The following NDRG3 variants were observed in gnomAD, a reference collection of about 807,000 sequenced individuals.
NDRG3 encodes protein NDRG3.
Under a neutral mutation model 57.2 loss-of-function variants are expected in NDRG3, and 23 were observed. The observed-to-expected ratio is 0.40, with a 90% CI of 0.29 to 0.57. The LOEUF (loss-of-function observed/expected upper bound fraction) is 0.57. Ranked by LOEUF, NDRG3 falls within the 20% of genes least tolerant of loss-of-function variation. The pLI, the probability that NDRG3 is intolerant of heterozygous loss-of-function variation, is 0.42. For synonymous variants in NDRG3, 132 were observed against 162.6 expected (o/e 0.81, Z 1.43); for missense variants, 384 against 457.3 (o/e 0.84, Z 1.46).
At chr20:36,656,172 T>TGAAA (rs1978647979) in intron 15 of NDRG3, among the ~76,000 whole-genome samples, 188 bp downstream of exon 15, 1 of 150,720 alleles carries the variant, frequency 6.6e-6, no homozygotes, top group South Asian at 2.1e-4. Flanking sequence ...TATTGCCTGA[T>TGAAA]GAAAGTAAGT....
chr20:36,730,714 G>A (rs1463259818), intron 1 of NDRG3, among the ~76,000 whole-genome samples: 5 of 151,966 alleles, frequency 3.3e-5, no homozygotes, highest in East Asian at 1.9e-4. Context: ...GTGGGAGGCC[G>A]AGATGGGAGA....
chr20:36,721,858 A>T, intron 1 of NDRG3, 75 bp from the exon 2 acceptor site: 1 of 652,572 alleles, frequency 1.5e-6, no homozygotes, highest in Non-Finnish European at 2.7e-6. Context: ...CAGTACACCC[A>T]TTCATTCAAA....
At chr20:36,654,919 A>G (rs1978525602) in intron 15 of NDRG3, 1 of 775,126 alleles carries the variant, frequency 1.3e-6, no homozygotes, top group Non-Finnish European at 2.4e-6. Context: ...CCTGGTAGAC[A>G]CTGACAGAAT....
chr20:36,696,650 G>A (rs1982814775), intron 3 of NDRG3, among the ~76,000 whole-genome samples: 2 of 151,798 alleles, frequency 1.3e-5, no homozygotes, highest in South Asian at 4.2e-4. Context: ...GCGCCACCAT[G>A]CCTAGCTAAT....
intron 5 of NDRG3, among the ~76,000 whole-genome samples, chr20:36,685,130 A>C (rs74357522): frequency 0.028 from 4,287 of 152,208 alleles, 241 homozygotes; most frequent in African/African-American, 0.098. Context: ...AACCTCCGGC[A>C]GTAAGAGTCA....
In NDRG3 at chr20:36,716,228, G is replaced by A. The variant is rs951349368; in HGVS notation, c.57+5451C>T. Among the ~76,000 whole-genome samples the A allele has an allele frequency of 2.0e-5, 3 of 151,276 alleles. No individual in the cohort carries two copies. The East Asian group carries it at 5.9e-4, about 30-fold the overall frequency. ...TTAGTAGAAAAGGAAAACTTAAACT[G>A]CAGTAAGATTTACCTCACTTTCAGG... On this transcript the variant is annotated intron_variant, in intron 2 of 15. Coordinates refer to ENST00000349004, the MANE Select transcript of NDRG3 (RefSeq NM_032013.4).
chr20:36,744,558 G>C (rs968231679), intron 1 of NDRG3, among the ~76,000 whole-genome samples: 11 of 152,028 alleles, frequency 7.2e-5, no homozygotes, highest in African/African-American at 2.7e-4. Flanking sequence ...AAATCAAGCA[G>C]GGAAGGCTTC....
chr20:36,738,048 G>C (rs1159134409), intron 1 of NDRG3, among the ~76,000 whole-genome samples: 4 of 147,636 alleles, frequency 2.7e-5, no homozygotes, highest in Non-Finnish European at 5.9e-5. Context: ...TGGTGACAGA[G>C]CAAGACTCTG....
chr20:36,670,049 C>T (rs2148054891), intron 9 of NDRG3, among the ~76,000 whole-genome samples: 1 of 152,290 alleles, frequency 6.6e-6, no homozygotes, highest in East Asian at 1.9e-4. Flanking sequence ...TCTGTCATTC[C>T]ATTTATATGA....
In NDRG3 at chr20:36,666,291, A is replaced by G. The variant is rs1979626848; in HGVS notation, c.690T>C (p.Asn230=). 3.7e-6 allele frequency: 6 copies of G among 1,609,704 alleles called. No homozygotes were observed. The highest frequency in any genetic ancestry group is 5.1e-6 in the Non-Finnish European group (6 of 1,176,028). The change falls in exon 10 of 16, where the codon AAT becomes AAC. Residue 230 remains asparagine, a splice_region_variant and synonymous_variant. Coordinates refer to ENST00000349004, the MANE Select transcript of NDRG3 (RefSeq NM_032013.4). ...DNLQLFLNSY[N]GRRDLEIERP... ...GAAGAAACAGGAAAAAACTATACCCATTGTAGGAATTCAAGAAGAGCTGCA... is the reference window on the plus strand; with the variant it reads ...GAAGAAACAGGAAAAAACTATACCCGTTGTAGGAATTCAAGAAGAGCTGCA...
chr20:36,657,074 T>C (rs1361482281), intron 13 of NDRG3, among the ~76,000 whole-genome samples: 1 of 152,214 alleles, frequency 6.6e-6, no homozygotes, highest in African/African-American at 2.4e-5. Flanking sequence ...GTGCAAGGAT[T>C]TCTAGGGTAT....
rs148040267 is a variant in NDRG3 at position 36,657,746 on chromosome 20, C to T, written c.859-1214G>A. On this transcript the variant is annotated intron_variant, in intron 13 of 15. Transcript: ENST00000349004. ...CTACTGAGGAGAATGCCACAGAAGACGCAGAAGTTTGAGATTAACAAGGGA... is the reference window on the plus strand; with the variant it reads ...CTACTGAGGAGAATGCCACAGAAGATGCAGAAGTTTGAGATTAACAAGGGA... Among the ~76,000 whole-genome samples, 885 of 152,200 alleles carry T rather than the reference C, an allele frequency of 5.8e-3. 9 individuals are homozygous for T. Among genetic ancestry groups the T allele is most frequent in the African/African-American group, 0.02 (843 of 41,522 alleles).
chr20:36,697,878 T>C (rs1284363314), intron 3 of NDRG3, among the ~76,000 whole-genome samples: 1 of 152,038 alleles, frequency 6.6e-6, no homozygotes, highest in African/African-American at 2.4e-5. Flanking sequence ...AATGTCTACA[T>C]ATAGTTTATA....
intron 1 of NDRG3, among the ~76,000 whole-genome samples, chr20:36,739,851 A>C (rs941613391): frequency 7.0e-6 from 1 of 143,258 alleles, no homozygotes; most frequent in Non-Finnish European, 1.5e-5. Flanking sequence ...CGGAGCTTGC[A>C]GTGAGCTGAG....
chr20:36,712,411 C>T (rs1472551495), intron 2 of NDRG3, among the ~76,000 whole-genome samples: 223 of 77,918 alleles, frequency 2.9e-3, no homozygotes, highest in African/African-American at 8.3e-3. Flanking sequence ...TTTTTTTTTT[C>T]CTGAGATAGG....
At chr20:36,702,037 T>A (rs1983262205) in intron 3 of NDRG3, among the ~76,000 whole-genome samples, 1 of 152,222 alleles carries the variant, frequency 6.6e-6, no homozygotes, top group South Asian at 2.1e-4. Flanking sequence ...TCATGCTAAA[T>A]CACTAAATCA....
rs561889171 is a variant in NDRG3, at chr20:36,699,107, A to G, written c.93+7865T>C. Among the ~76,000 whole-genome samples the G allele has an allele frequency of 2.0e-5, 3 of 152,178 alleles. No individual in the cohort carries two copies. In the East Asian group the frequency reaches 5.8e-4, roughly 29 times the overall value. ...CAGGCGCATACTGCTACACCTGGCT[A>G]ATTTTTATTTTTTAGATTTCTTGGA... On this transcript the variant is annotated intron_variant, in intron 3 of 15. Transcript: ENST00000349004.
At chr20:36,657,559 G>A (rs562472172) in intron 13 of NDRG3, among the ~76,000 whole-genome samples, 128 of 152,104 alleles carry the variant, frequency 8.4e-4, no homozygotes, top group East Asian at 1.5e-3. Context: ...ACAGAAAAGC[G>A]TTTTTAGGGC....
chr20:36,717,239 C>G (rs1039974259), intron 2 of NDRG3, among the ~76,000 whole-genome samples: 1 of 152,158 alleles, frequency 6.6e-6, no homozygotes, highest in Non-Finnish European at 1.5e-5. Context: ...AAAGTACCAA[C>G]AAATGACAAG....
Sources: allele counts gnomAD v4.1 joint callset (sites outside exome capture counted in the v4.1 genomes callset), GRCh38; gene constraint gnomAD v4.1.1; transcripts MANE v1.5; gene names NCBI Gene and HGNC (gene_info 2026-07-23, HGNC 2026-07-21).